CCNG1: variants seen among roughly 807,000 people sequenced by gnomAD.
CCNG1 encodes cyclin-G1.
A neutral mutation model predicts 30.0 loss-of-function variants in CCNG1; 13 were observed. That is an observed-to-expected ratio of 0.43 (90% CI 0.28 to 0.69). The LOEUF is 0.69. Ranked by LOEUF, CCNG1 falls within the 30% of genes least tolerant of loss-of-function variation. The pLI is 0.16. For synonymous variants in CCNG1, 110 were observed against 121.5 expected, an observed-to-expected ratio of 0.91 and a Z score of 0.62; for missense variants, 285 against 331.4, an observed-to-expected ratio of 0.86 and a Z score of 1.09.
chr5:163,453,387 G>T, the CCNG1 span: 1 of 152,092 alleles, frequency 6.6e-6, no homozygotes, highest in Non-Finnish European at 1.5e-5. Context: ...CACTTCTATT[G>T]TTAGGGTTTT....
chr5:163,453,937 A>G, the CCNG1 span: 3 of 1,284,640 alleles, frequency 2.3e-6, no homozygotes, highest in East Asian at 2.5e-5. Context: ...AATATCTGCT[A>G]GGATCCACAG....
downstream of CCNG1, among the ~76,000 whole-genome samples, chr5:163,445,432 T>C (rs1209021221): frequency 6.6e-6 from 1 of 152,100 alleles, no homozygotes; most frequent in African/African-American, 2.4e-5. Flanking sequence ...TCCCTATTAA[T>C]AGTATGACTA....
chr5:163,440,978 C>T (rs1490802937), intron 2 of CCNG1, 100 bp from the exon 3 acceptor site: 2 of 1,258,394 alleles, frequency 1.6e-6, no homozygotes, highest in Non-Finnish European at 2.2e-6. Flanking sequence ...CTCAAATATA[C>T]ATTTTCAAAA....
downstream of CCNG1, chr5:163,445,757 C>G (rs1758025302): frequency 6.6e-6 from 1 of 151,550 alleles, no homozygotes; most frequent in Non-Finnish European, 1.5e-5. Flanking sequence ...CGTGCCTAGC[C>G]TCTAATGTTT....
Position 163,444,192 on chromosome 5 carries a change from A to G in CCNG1, c.*522A>G, listed in dbSNP as rs980013359. On this transcript the variant is annotated 3_prime_UTR_variant, in exon 7 of 7. Transcript: ENST00000340828. The stretch of plus-strand genomic sequence containing the variant: ...CTAGGCAGTATAAACACACCCCATA[A>G]TGCAAGTAATAGGTAATCTAGAGAT... 8 of 153,102 alleles carry G rather than the reference A, an allele frequency of 5.2e-5. No individual in the cohort carries two copies. Among genetic ancestry groups the G allele is most frequent in the African/African-American group, 1.9e-4 (8 of 41,478 alleles). 9.5% of individuals were successfully genotyped at this position (153,102 alleles called of 1,614,324 possible).
chr5:163,445,174 A>G (rs961135707), downstream of CCNG1, among the ~76,000 whole-genome samples: 1 of 151,418 alleles, frequency 6.6e-6, no homozygotes, highest in African/African-American at 2.4e-5. Context: ...TATTAATAAT[A>G]TGACTATTAG....
chr5:163,448,457 GA>G (rs1758098485), downstream of CCNG1: 1 of 152,070 alleles, frequency 6.6e-6, no homozygotes, highest in South Asian at 2.1e-4. Flanking sequence ...CCAATTCCTT[GA>G]AAGGCATACA....
the CCNG1 span, chr5:163,457,089 A>AC: frequency 6.3e-7 from 1 of 1,589,180 alleles, no homozygotes; most frequent in African/African-American, 1.4e-5. Context: ...CTCTAAAAAA[A>AC]AAACACACAC....
the CCNG1 span, chr5:163,457,092 ACAC>A: frequency 2.9e-6 from 4 of 1,359,856 alleles, no homozygotes; most frequent in Non-Finnish European, 4.0e-6. Context: ...TAAAAAAAAA[ACAC>A]ACACACACAC....
At position 163,444,040 on chromosome 5, in the gene CCNG1, G is replaced by A. The variant is rs1462113827; in HGVS notation, c.*370G>A. On this transcript the variant is annotated 3_prime_UTR_variant, in exon 7 of 7. Transcript: ENST00000340828. ...GTCACACTAATACTATCAACTATCA[G>A]TCTTCCCACAGCTTCAATCACTGTC... is the stretch of plus-strand genomic sequence containing the variant. The A allele has an allele frequency of 4.4e-6, 1 of 228,534 alleles. No individual in the cohort carries two copies. Among genetic ancestry groups the A allele is most frequent in the Non-Finnish European group, 8.5e-6 (1 of 117,912 alleles). 14.2% of individuals were successfully genotyped at this position (228,534 alleles called of 1,614,324 possible). A position where few individuals can be genotyped will look rare whatever the true frequency, so the allele number is the denominator to read the frequency against.
At chr5:163,440,720 A>T (rs1258736497) in intron 2 of CCNG1, among the ~76,000 whole-genome samples, 1 of 152,218 alleles carries the variant, frequency 6.6e-6, no homozygotes, top group Non-Finnish European at 1.5e-5. Flanking sequence ...TTTTGTAAAT[A>T]AGCCATAAAG....
chr5:163,455,917 G>GGTA, the CCNG1 span, among the ~76,000 whole-genome samples: 2 of 152,106 alleles, frequency 1.3e-5, no homozygotes, highest in Admixed American at 1.3e-4. Flanking sequence ...ATATTTCGAA[G>GGTA]GTAGCATCAG....
At position 163,441,131 on chromosome 5, in the gene CCNG1, A is replaced by G. The variant is rs956294962; in HGVS notation, c.318A>G (p.Val106=). The G allele has an allele frequency of 1.9e-6, 3 of 1,614,034 alleles. No homozygotes were observed. Among genetic ancestry groups the G allele is most frequent in the Non-Finnish European group, 2.5e-6 (3 of 1,179,888 alleles). The part of the protein sequence containing the change: ...CVGLSCFYLA[V]KSIEEERNVP... Reference sequence around the variant, plus strand: ...GACTGAGCTGCTTTTATTTGGCTGTAAAATCAATAGAAGAGGAAAGGAATG... The same window carrying G: ...GACTGAGCTGCTTTTATTTGGCTGTGAAATCAATAGAAGAGGAAAGGAATG... Residue 106 remains valine (V), a synonymous_variant, in exon 3 of 7, where the codon GTA becomes GTG. Coordinates refer to ENST00000340828, the MANE Select transcript of CCNG1 (RefSeq NM_004060.4).
chr5:163,439,229 C>T, intron 1 of CCNG1, 28 bp from the exon 2 acceptor site: 1 of 1,602,104 alleles, frequency 6.2e-7, no homozygotes, highest in East Asian at 2.2e-5. Flanking sequence ...CTCTTACACT[C>T]CTTGCTGGTC....
rs372396761 is a variant in CCNG1 at position 163,441,986 on chromosome 5, T to C, written c.597+22T>C. 8.2e-6 allele frequency: 13 copies of C among 1,583,340 alleles called. No homozygotes were observed. The African/African-American group carries it at 1.1e-4, about 13-fold the overall frequency. On this transcript the variant is annotated intron_variant, in intron 4 of 6. Transcript: ENST00000340828. The stretch of plus-strand genomic sequence containing the variant: ...AAAGGTAAATATTTTATAAAGATTA[T>C]GCCTATTGATATGATCTGTTTTTAT...
chr5:163,438,172 C>T (rs1203384694), intron 1 of CCNG1, among the ~76,000 whole-genome samples: 2 of 152,168 alleles, frequency 1.3e-5, no homozygotes, highest in South Asian at 2.1e-4. Flanking sequence ...GTGTTATGCA[C>T]ACTTAAATCA....
the CCNG1 span, chr5:163,457,217 C>T: frequency 1.1e-5 from 10 of 891,070 alleles, no homozygotes; most frequent in Admixed American, 1.3e-4. Flanking sequence ...CTGAAACCTC[C>T]GCCCCCCGGG....
chr5:163,449,370 CAT>C (rs376651596), downstream of CCNG1: 294 of 152,262 alleles, frequency 1.9e-3, 1 homozygote, highest in African/African-American at 6.8e-3. Flanking sequence ...ATTGGAAACC[CAT>C]GTTTCAAAAA....
downstream of CCNG1, chr5:163,449,607 A>G (rs1025955144): frequency 2.0e-5 from 3 of 152,224 alleles, no homozygotes; most frequent in Non-Finnish European, 2.9e-5. Flanking sequence ...AAATTAGCCA[A>G]AACAATTTTG....
Sources: gnomAD v4.1 joint callset for allele counts (sites outside exome capture counted in the v4.1 genomes callset) on GRCh38, gnomAD v4.1.1 for gene constraint, MANE v1.5 for transcripts, NCBI Gene and HGNC (gene_info 2026-07-23, HGNC 2026-07-21) for gene names.